The following NOSTRIN variants were observed in gnomAD, a reference collection of about 807,000 sequenced individuals.
NOSTRIN encodes nitric oxide synthase trafficking.
Under a neutral mutation model 59.0 loss-of-function variants are expected in NOSTRIN, and 63 were observed. That is an observed-to-expected ratio of 1.07 (90% CI 0.87 to 1.32). The LOEUF (loss-of-function observed/expected upper bound fraction) is 1.32, where lower values mean the gene tolerates loss of function less well. Among genes scored for constraint, NOSTRIN ranks in the 40% most tolerant of loss-of-function variants. NOSTRIN has a pLI of 0.00. For missense variants in NOSTRIN, 512 were observed against 473.1 expected, an observed-to-expected ratio of 1.08 and a Z score of -0.76; for synonymous variants, 200 against 165.4, an observed-to-expected ratio of 1.21 and a Z score of -1.61.
chr2:168,824,652 C>T lies in NOSTRIN; in HGVS notation c.132C>T (p.Ser44=). 1 of 872,690 alleles carries T rather than the reference C, an allele frequency of 1.1e-6. No homozygotes were observed. Among genetic ancestry groups the T allele is most frequent in the East Asian group, 2.4e-5 (1 of 41,670 alleles). The allele number at this position is 872,690 out of a possible 1,614,324, so 54.1% of individuals were successfully genotyped here. The change falls in exon 3 of 16, where the codon AGC becomes AGT. Residue 44 remains serine, a synonymous_variant. Transcript: ENST00000317647. ...CTAACAGGGCAAACCTGGAAATTAG[C>T]TATGCCAAAGGACTTCAGAAACTGG... ...VLQQRANLEI[S]YAKGLQKLAS...
At chr2:168,863,084 C>T (rs1689573434) in intron 15 of NOSTRIN, among the ~76,000 whole-genome samples, 1 of 152,110 alleles carries the variant, frequency 6.6e-6, no homozygotes, top group Non-Finnish European at 1.5e-5. Context: ...ATTTAAGTTA[C>T]ATCATTCACA....
intron 1 of NOSTRIN, among the ~76,000 whole-genome samples, chr2:168,807,613 T>G (rs17265885): frequency 0.013 from 1,980 of 152,292 alleles, 14 homozygotes; most frequent in Non-Finnish European, 0.021. Context: ...ATGAAGATCT[T>G]CTCAACTTGC....
At chr2:168,796,186 A>G (rs1228910862), upstream of NOSTRIN, among the ~76,000 whole-genome samples, 1 of 152,216 alleles carries the variant, frequency 6.6e-6, no homozygotes, top group African/African-American at 2.4e-5. Context: ...TGCAGTGACA[A>G]CAGGGAACGC....
intron 10 of NOSTRIN, among the ~76,000 whole-genome samples, chr2:168,854,824 C>G (rs1688978618): frequency 6.6e-6 from 1 of 152,144 alleles, no homozygotes; most frequent in African/African-American, 2.4e-5. Context: ...TTGCTAGTTT[C>G]TTTAATGTTA....
chr2:168,787,159 T>C (rs1240229827), intron 1 of NOSTRIN, among the ~76,000 whole-genome samples: 1 of 152,126 alleles, frequency 6.6e-6, no homozygotes, highest in East Asian at 1.9e-4. Context: ...GAATGAATAG[T>C]ATTTGAATGA....
chr2:168,856,393 G>C (rs1046335755), intron 11 of NOSTRIN: 4 of 341,018 alleles, frequency 1.2e-5, no homozygotes, highest in African/African-American at 2.1e-5. Context: ...TGGCCAACAT[G>C]ATGAAACTGT....
upstream of NOSTRIN, among the ~76,000 whole-genome samples, chr2:168,794,118 A>G (rs1685422876): frequency 6.6e-6 from 1 of 152,202 alleles, no homozygotes; most frequent in South Asian, 2.1e-4. Context: ...AGGGATTGGC[A>G]CTTGTTCCTC....
At chr2:168,799,971 C>G (rs890016185), upstream of NOSTRIN, among the ~76,000 whole-genome samples, 2 of 152,220 alleles carry the variant, frequency 1.3e-5, no homozygotes, top group Non-Finnish European at 2.9e-5. Flanking sequence ...CTGGGCTGGC[C>G]CATGACTGGC....
intron 1 of NOSTRIN, among the ~76,000 whole-genome samples, chr2:168,787,699 G>A (rs903405564): frequency 1.3e-5 from 2 of 152,190 alleles, no homozygotes; most frequent in Non-Finnish European, 2.9e-5. Context: ...GAGGAGCTGT[G>A]AGAAGATGCC....
intron 10 of NOSTRIN, among the ~76,000 whole-genome samples, chr2:168,854,404 T>C (rs1280372196): frequency 6.6e-6 from 1 of 152,158 alleles, no homozygotes; most frequent in African/African-American, 2.4e-5. Flanking sequence ...TCTTTCTCCA[T>C]GGGTTTCTGT....
chr2:168,808,859 CAT>C (rs1217773088), intron 1 of NOSTRIN, among the ~76,000 whole-genome samples: 3 of 152,110 alleles, frequency 2.0e-5, no homozygotes, highest in African/African-American at 7.2e-5. Context: ...GACAAATGTT[CAT>C]ATGTTAGAAT....
At chr2:168,825,168 G>A (rs1033395066) in intron 3 of NOSTRIN, among the ~76,000 whole-genome samples, 1 of 152,198 alleles carries the variant, frequency 6.6e-6, no homozygotes. Context: ...GGCACTTACT[G>A]TGTGCATGCA....
chr2:168,793,892 G>A (rs1685418625), upstream of NOSTRIN, among the ~76,000 whole-genome samples: 6 of 152,202 alleles, frequency 3.9e-5, no homozygotes, highest in South Asian at 1.2e-3. Context: ...CATATCAAGT[G>A]TCAGCAAGTG....
At position 168,861,274 on chromosome 2, in the gene NOSTRIN, C is replaced by T. The variant is rs939452492; in HGVS notation, c.1294+365C>T. On this transcript the variant is annotated intron_variant, in intron 14 of 15. Transcript: ENST00000317647. Reference sequence around the variant, plus strand: ...TCCCATAAGAAGCCTGTCCTCTCTGCGAGACACATGGTGATCCAGGTGGTT... The same window carrying T: ...TCCCATAAGAAGCCTGTCCTCTCTGTGAGACACATGGTGATCCAGGTGGTT... Among the ~76,000 whole-genome samples the T allele has an allele frequency of 5.9e-5, 9 of 152,102 alleles. No individual in the cohort carries two copies. In the South Asian group the frequency reaches 6.2e-4, roughly 11 times the overall value.
At chr2:168,790,471 C>T (rs1182234192) in intron 2 of NOSTRIN, among the ~76,000 whole-genome samples, 2 of 152,248 alleles carry the variant, frequency 1.3e-5, no homozygotes, top group South Asian at 2.1e-4. Flanking sequence ...AAATGAGTCA[C>T]GTGAATGAAT....
chr2:168,837,000 C>T (rs1687761692), intron 7 of NOSTRIN, among the ~76,000 whole-genome samples: 1 of 152,202 alleles, frequency 6.6e-6, no homozygotes, highest in Admixed American at 6.5e-5. Context: ...TCTGGTGAGG[C>T]TTCCTCTTTC....
Position 168,842,787 on chromosome 2 carries a change from T to C in NOSTRIN, c.505-205T>C, listed in dbSNP as rs1366415034. ...ATGTGTAAAATTGGGGGAATCATAC[T>C]GGAAGGCCCTTGGGTTTCCTTTAGG... On this transcript the variant is annotated intron_variant, in intron 7 of 15. Transcript: ENST00000317647. Among the ~76,000 whole-genome samples, 7 of 152,226 alleles carry C rather than the reference T, an allele frequency of 4.6e-5. No homozygotes were observed. In the East Asian group the frequency reaches 1.3e-3, roughly 29 times the overall value.
chr2:168,831,681 A>C (rs1261834284), intron 6 of NOSTRIN, 147 bp downstream of exon 6: 7 of 594,830 alleles, frequency 1.2e-5, no homozygotes, highest in African/African-American at 3.7e-5. Context: ...GTTGTTACAC[A>C]GATATATTTT....
At chr2:168,841,235 C>CAAAAAAAAAAA (rs57480764) in intron 7 of NOSTRIN, among the ~76,000 whole-genome samples, 54 of 106,544 alleles carry the variant, frequency 5.1e-4, no homozygotes, top group Non-Finnish European at 8.0e-4. Flanking sequence ...ACCCTGTCTC[C>CAAAAAAAAAAA]AAAAAAAAAA....
Sources: gnomAD v4.1 joint callset for allele counts (sites outside exome capture counted in the v4.1 genomes callset) on GRCh38, gnomAD v4.1.1 for gene constraint, MANE v1.5 for transcripts, NCBI Gene and HGNC (gene_info 2026-07-23, HGNC 2026-07-21) for gene names.